Variants in IL1R2 observed in about 807,000 individuals in gnomAD.
IL1R2 encodes the protein interleukin 1 receptor type 2.
IL1R2 carries 46 observed loss-of-function variants against 39.5 expected under a neutral mutation model. That is an observed-to-expected ratio of 1.16 (90% CI 0.92 to 1.49). The LOEUF is 1.49. Ranked by LOEUF, IL1R2 falls within the 40% of genes most tolerant of loss-of-function variation. IL1R2 has a pLI of 0.00. For synonymous variants in IL1R2, 207 were observed against 189.6 expected, an observed-to-expected ratio of 1.09 and a Z score of -0.75; for missense variants, 537 against 502.0, an observed-to-expected ratio of 1.07 and a Z score of -0.67.
chr2:102,015,769 C>A, intron 3 of IL1R2, 102 bp from the exon 4 acceptor site: 1 of 914,280 alleles, frequency 1.1e-6, no homozygotes, highest in South Asian at 1.6e-5. Flanking sequence ...CCAGAAAATG[C>A]AGATGCAGAT....
chr2:102,004,297 C>T (rs76671319), intron 1 of IL1R2, among the ~76,000 whole-genome samples: 5,281 of 152,082 alleles, frequency 0.035, 312 homozygotes, highest in African/African-American at 0.12. Context: ...AGGCAGGTAA[C>T]GGTTACCTGG....
chr2:102,019,557 G>A (rs1353784441), intron 4 of IL1R2, 81 bp from the exon 5 acceptor site: 4 of 994,058 alleles, frequency 4.0e-6, no homozygotes, highest in African/African-American at 3.3e-5. Flanking sequence ...ATCCCACATT[G>A]GTTGATAATG....
intron 5 of IL1R2, among the ~76,000 whole-genome samples, chr2:102,021,247 C>T (rs1436313829): frequency 2.0e-5 from 3 of 151,924 alleles, no homozygotes; most frequent in African/African-American, 7.3e-5. Context: ...CAGCCCTCAC[C>T]CCCCAGGTGT....
At chr2:102,022,736 G>A (rs1677479888) in intron 6 of IL1R2, among the ~76,000 whole-genome samples, 1 of 152,232 alleles carries the variant, frequency 6.6e-6, no homozygotes, top group Non-Finnish European at 1.5e-5. Context: ...ATGGTGCCAT[G>A]AAAATGACCA....
chr2:102,014,890 T>C (rs1676890669), intron 3 of IL1R2, among the ~76,000 whole-genome samples: 1 of 151,202 alleles, frequency 6.6e-6, no homozygotes, highest in African/African-American at 2.4e-5. Flanking sequence ...CTCTTCCCTT[T>C]TTCCAGCTCT....
rs1411758772 is a variant in IL1R2, at chr2:102,009,805, G to A, written c.311G>A (p.Gly104Asp). The change falls in exon 3 of 9, where the codon GGC (glycine) becomes GAC (aspartate). Residue 104 changes from glycine to aspartate, a missense_variant. Gly to Asp is a moderately conservative substitution (Grantham distance 94). Coordinates refer to ENST00000332549, the MANE Select transcript of IL1R2 (RefSeq NM_004633.4). Reference sequence around the variant, plus strand: ...CTGCCAGCCTTGCAGGAGGACTCTGGCACCTACGTCTGCACTACTAGGTAA... The same window carrying A: ...CTGCCAGCCTTGCAGGAGGACTCTGACACCTACGTCTGCACTACTAGGTAA... ...WLLPALQEDS[G>D]TYVCTTRNAS... 5 of 1,614,198 alleles carry A rather than the reference G, an allele frequency of 3.1e-6. No individual in the cohort carries two copies. The highest frequency in any genetic ancestry group is 4.5e-5 in the East Asian group (2 of 44,888).
At chr2:101,999,317 A>G (rs1675732834) in intron 1 of IL1R2, among the ~76,000 whole-genome samples, 1 of 152,240 alleles carries the variant, frequency 6.6e-6, no homozygotes, top group Non-Finnish European at 1.5e-5. Flanking sequence ...TTAAGGGTGT[A>G]TGTCTGTTAA....
At chr2:102,008,494 C>A in intron 1 of IL1R2, 21 bp from the exon 2 acceptor site, 2 of 1,058,726 alleles carry the variant, frequency 1.9e-6, no homozygotes, top group Non-Finnish European at 3.0e-6. Context: ...TTCCTGGTGA[C>A]ACCTCTGTTT....
intron 3 of IL1R2, among the ~76,000 whole-genome samples, chr2:102,011,007 T>G (rs1676595951): frequency 1.3e-5 from 2 of 152,366 alleles, no homozygotes; most frequent in South Asian, 4.1e-4. Context: ...TTTCTGTGAC[T>G]GAATTATTTC....
chr2:102,018,618 C>G (rs577673547), intron 4 of IL1R2, among the ~76,000 whole-genome samples: 96 of 152,252 alleles, frequency 6.3e-4, no homozygotes, highest in Admixed American at 1.6e-3. Context: ...TATATCCAAG[C>G]CTGTTCTAAA....
intron 1 of IL1R2, among the ~76,000 whole-genome samples, chr2:101,995,904 T>C (rs983344618): frequency 4.6e-5 from 7 of 152,072 alleles, no homozygotes; most frequent in Admixed American, 2.6e-4. Context: ...GAAGCAGGCA[T>C]AGCAGGAGCA....
chr2:102,006,101 C>T (rs17026390), intron 1 of IL1R2, among the ~76,000 whole-genome samples: 1 of 152,216 alleles, frequency 6.6e-6, no homozygotes, highest in African/African-American at 2.4e-5. Context: ...ACTTCATTTA[C>T]TTATCCTGAT....
At chr2:102,014,935 A>T (rs1305902353) in intron 3 of IL1R2, among the ~76,000 whole-genome samples, 1 of 145,162 alleles carries the variant, frequency 6.9e-6, no homozygotes, top group Admixed American at 7.0e-5. Context: ...TGAAATAATG[A>T]TTAGGCTAGT....
At chr2:102,018,551 G>A (rs1415180865) in intron 4 of IL1R2, among the ~76,000 whole-genome samples, 1 of 152,216 alleles carries the variant, frequency 6.6e-6, no homozygotes, top group African/African-American at 2.4e-5. Flanking sequence ...ATGTCATGGT[G>A]ATGCTTAGTA....
At chr2:101,993,157 T>C (rs1376549309) in intron 1 of IL1R2, among the ~76,000 whole-genome samples, 1 of 152,064 alleles carries the variant, frequency 6.6e-6, no homozygotes, top group African/African-American at 2.4e-5. Flanking sequence ...AAAAGCTTGA[T>C]ATTCTAAAGT....
At chr2:102,011,885 T>G (rs1359494213) in intron 3 of IL1R2, among the ~76,000 whole-genome samples, 1 of 152,226 alleles carries the variant, frequency 6.6e-6, no homozygotes, top group Non-Finnish European at 1.5e-5. Context: ...GTTTTAGCTC[T>G]TTTGCTTTTT....
intron 1 of IL1R2, among the ~76,000 whole-genome samples, chr2:102,006,712 G>C (rs1201690174): frequency 6.6e-6 from 1 of 152,216 alleles, no homozygotes; most frequent in Non-Finnish European, 1.5e-5. Flanking sequence ...CTGTGAGCAA[G>C]ACCAGGGCTC....
intron 1 of IL1R2, chr2:102,002,002 G>A (rs1389618860): frequency 1.3e-5 from 2 of 152,160 alleles, no homozygotes; most frequent in East Asian, 3.8e-4. Context: ...AGATGAGACA[G>A]TTGCCTAAAA....
intron 5 of IL1R2, 52 bp from the exon 6 acceptor site, chr2:102,022,135 C>G (rs1677437536): frequency 4.9e-6 from 7 of 1,432,798 alleles, no homozygotes; most frequent in Non-Finnish European, 5.9e-6. Context: ...TGAACCACAG[C>G]GTCAAATGAA....
Sources: gnomAD v4.1 joint callset for allele counts (sites outside exome capture counted in the v4.1 genomes callset) on GRCh38, gnomAD v4.1.1 for gene constraint, MANE v1.5 for transcripts, NCBI Gene and HGNC (gene_info 2026-07-23, HGNC 2026-07-21) for gene names.